LRRTM3: variants seen among roughly 807,000 people sequenced by gnomAD.
LRRTM3 encodes the protein leucine-rich repeat transmembrane neuronal protein 3.
In LRRTM3, 24 loss-of-function variants were observed where a neutral mutation model predicts 44.7. The ratio of observed to expected loss-of-function variants is 0.54; its 90% confidence interval spans 0.39 to 0.76. The LOEUF (loss-of-function observed/expected upper bound fraction) is 0.76, where lower values mean the gene tolerates loss of function less well. Among genes scored for constraint, LRRTM3 ranks in the 30% least tolerant of loss-of-function variants. LRRTM3 has a pLI of 0.00. For synonymous variants in LRRTM3, 277 were observed against 278.7 expected (o/e 0.99, Z 0.06); for missense variants, 587 against 702.2 (o/e 0.84, Z 1.85).
chr10:66,957,382 GTATATA>G (rs1196429959), intron 2 of LRRTM3, among the ~76,000 whole-genome samples: 2 of 38,332 alleles, frequency 5.2e-5, no homozygotes, highest in Non-Finnish European at 1.2e-4. Flanking sequence ...ATATGTGTGT[GTATATA>G]TATACATATA....
At chr10:67,044,215 C>A (rs1030648427) in intron 2 of LRRTM3, among the ~76,000 whole-genome samples, 1 of 152,050 alleles carries the variant, frequency 6.6e-6, no homozygotes, top group African/African-American at 2.4e-5. Flanking sequence ...AATATGGCTG[C>A]AACATAGTAG....
intron 2 of LRRTM3, among the ~76,000 whole-genome samples, chr10:66,955,568 T>G (rs996107384): frequency 2.0e-5 from 3 of 152,158 alleles, no homozygotes; most frequent in Admixed American, 1.3e-4. Flanking sequence ...TCATTGCCTC[T>G]CATAACAGCT....
At chr10:67,070,047 G>A (rs1282898472) in intron 2 of LRRTM3, among the ~76,000 whole-genome samples, 3 of 152,184 alleles carry the variant, frequency 2.0e-5, no homozygotes, top group East Asian at 1.9e-4. Context: ...GCTCTACATC[G>A]TTGACCAACA....
intron 2 of LRRTM3, among the ~76,000 whole-genome samples, chr10:66,947,027 GC>G (rs1848308592): frequency 1.3e-5 from 2 of 151,922 alleles, no homozygotes; most frequent in South Asian, 4.2e-4. Context: ...TTTTTAAGTT[GC>G]CCTTGTTTTC....
intron 2 of LRRTM3, among the ~76,000 whole-genome samples, chr10:67,077,318 A>G (rs1300781576): frequency 1.3e-5 from 2 of 152,278 alleles, no homozygotes; most frequent in East Asian, 3.9e-4. Flanking sequence ...ATTGGCTTCC[A>G]CTGGCTTTAT....
chr10:67,024,671 A>C (rs1289438407), intron 2 of LRRTM3, among the ~76,000 whole-genome samples: 1 of 152,228 alleles, frequency 6.6e-6, no homozygotes, highest in Non-Finnish European at 1.5e-5. Context: ...TTAGAAAAAT[A>C]GATAATTGGT....
At chr10:66,933,156 C>A (rs772885656) in intron 2 of LRRTM3, among the ~76,000 whole-genome samples, 9 of 152,146 alleles carry the variant, frequency 5.9e-5, no homozygotes, top group Admixed American at 2.0e-4. Context: ...TTGGCATGAG[C>A]CAAAAAGAAA....
intron 2 of LRRTM3, among the ~76,000 whole-genome samples, chr10:66,961,361 C>T (rs1190260547): frequency 1.3e-5 from 2 of 152,274 alleles, no homozygotes; most frequent in East Asian, 1.9e-4. Flanking sequence ...AAAGTCAGTT[C>T]TCCATCCTCC....
At chr10:67,047,352 G>A (rs1175219506) in intron 2 of LRRTM3, among the ~76,000 whole-genome samples, 2 of 152,186 alleles carry the variant, frequency 1.3e-5, no homozygotes, top group Non-Finnish European at 1.5e-5. Flanking sequence ...GGAGGAGACT[G>A]TGTCTGTTAA....
chr10:66,944,534 C>T lies in LRRTM3; in HGVS notation c.1536+16082C>T, dbSNP rs112397316. On this transcript the variant is annotated intron_variant, in intron 2 of 2. Transcript: ENST00000361320. ...TGTTTTGACTTCCTCTCATGAATCA[C>T]GAATGTTCTTAGCAACATTTAGAAT... Among the ~76,000 whole-genome samples the T allele has an allele frequency of 9.2e-5, 14 of 152,248 alleles. 1 individual carries two copies. Among genetic ancestry groups the T allele is most frequent in the African/African-American group, 2.9e-4 (12 of 41,570 alleles).
At chr10:67,076,595 T>C (rs928526251) in intron 2 of LRRTM3, among the ~76,000 whole-genome samples, 3 of 152,164 alleles carry the variant, frequency 2.0e-5, no homozygotes, top group African/African-American at 7.2e-5. Context: ...TCTTTAAAAA[T>C]TGAATACAAA....
At chr10:66,999,712 T>A (rs868822874) in intron 2 of LRRTM3, among the ~76,000 whole-genome samples, 2 of 152,190 alleles carry the variant, frequency 1.3e-5, no homozygotes, top group African/African-American at 2.4e-5. Context: ...GTACATTTCA[T>A]AAGTCTTTAA....
intron 2 of LRRTM3, among the ~76,000 whole-genome samples, chr10:66,969,003 T>C (rs2132816354): frequency 6.6e-6 from 1 of 152,118 alleles, no homozygotes; most frequent in East Asian, 1.9e-4. Flanking sequence ...GGCAACAGAA[T>C]GAGACTCCAT....
intron 2 of LRRTM3, among the ~76,000 whole-genome samples, chr10:67,048,617 GA>G (rs898049476): frequency 1.3e-5 from 2 of 151,936 alleles, no homozygotes; most frequent in Non-Finnish European, 2.9e-5. Context: ...TTATTCCTTT[GA>G]AAATTGGGAT....
intron 2 of LRRTM3, among the ~76,000 whole-genome samples, chr10:66,957,395 T>G (rs1247554348): frequency 3.0e-5 from 2 of 67,452 alleles, no homozygotes; most frequent in Non-Finnish European, 5.9e-5. Flanking sequence ...TATATATACA[T>G]ATATATATAT....
chr10:67,042,172 A>G (rs530627122), intron 2 of LRRTM3, among the ~76,000 whole-genome samples: 1 of 152,298 alleles, frequency 6.6e-6, no homozygotes, highest in East Asian at 1.9e-4. Flanking sequence ...TATACATTAA[A>G]AAGAACAAAC....
intron 2 of LRRTM3, among the ~76,000 whole-genome samples, chr10:67,062,443 G>C (rs1225370439): frequency 2.6e-5 from 4 of 152,144 alleles, no homozygotes; most frequent in Non-Finnish European, 5.9e-5. Context: ...TAAGTATGCA[G>C]GTGATAAACT....
At chr10:67,017,577 C>T (rs1450255666) in intron 2 of LRRTM3, among the ~76,000 whole-genome samples, 1 of 152,264 alleles carries the variant, frequency 6.6e-6, no homozygotes, top group African/African-American at 2.4e-5. Context: ...CACCCTCTTG[C>T]AGTAACAGAA....
At chr10:66,975,504 G>A (rs1010272720) in intron 2 of LRRTM3, among the ~76,000 whole-genome samples, 4 of 152,090 alleles carry the variant, frequency 2.6e-5, no homozygotes, top group South Asian at 2.1e-4. Flanking sequence ...GAAAAGCTTC[G>A]CAACTATTTG....
Sources: allele counts gnomAD v4.1 joint callset (sites outside exome capture counted in the v4.1 genomes callset), GRCh38; gene constraint gnomAD v4.1.1; transcripts MANE v1.5; gene names NCBI Gene and HGNC (gene_info 2026-07-23, HGNC 2026-07-21).